TRAF3IP1: variants seen among roughly 807,000 people sequenced by gnomAD.
The protein encoded by TRAF3IP1 is TRAF3-interacting protein 1.
A neutral mutation model predicts 89.9 loss-of-function variants in TRAF3IP1; 53 were observed. The ratio of observed to expected loss-of-function variants is 0.59; its 90% CI spans 0.47 to 0.74. The LOEUF (loss-of-function observed/expected upper bound fraction) is 0.74, where lower values mean the gene tolerates loss of function less well. TRAF3IP1 is among the 30% of genes least tolerant of loss of function. TRAF3IP1 has a pLI of 0.00. For missense variants in TRAF3IP1, 806 were observed against 866.1 expected, an observed-to-expected ratio of 0.93 and a Z score of 0.87; for synonymous variants, 311 against 322.1, an observed-to-expected ratio of 0.97 and a Z score of 0.37.
rs1397415903 is a variant in TRAF3IP1 at position 238,353,222 on chromosome 2, C to T, written c.1612+13C>T. Reference sequence around the variant, plus strand: ...GAGGAGAAGCATGGTGAGTCCTGGGCACGAGTGTGCATGTATGTCCATGTG... The same window carrying T: ...GAGGAGAAGCATGGTGAGTCCTGGGTACGAGTGTGCATGTATGTCCATGTG... On this transcript the variant is annotated intron_variant, in intron 14 of 16. Transcript: ENST00000373327. 22 of 1,613,948 alleles carry T rather than the reference C, an allele frequency of 1.4e-5. No homozygotes were observed. Among genetic ancestry groups the T allele is most frequent in the Non-Finnish European group, 1.7e-5 (20 of 1,179,824 alleles).
intron 15 of TRAF3IP1, among the ~76,000 whole-genome samples, chr2:238,369,685 C>G (rs983227353): frequency 7.2e-5 from 11 of 152,238 alleles, no homozygotes; most frequent in African/African-American, 2.2e-4. Flanking sequence ...ACTGCAGACG[C>G]TCTCCGTGGC....
At chr2:238,368,563 A>G (rs951980556) in intron 15 of TRAF3IP1, among the ~76,000 whole-genome samples, 1 of 152,196 alleles carries the variant, frequency 6.6e-6, no homozygotes, top group African/African-American at 2.4e-5. Flanking sequence ...GGCTTGTATT[A>G]TACCAGGCTT....
rs758970882 is a variant in TRAF3IP1, at chr2:238,338,356, T to A, written c.1064-6T>A. 2 of 1,504,602 alleles carry A rather than the reference T, an allele frequency of 1.3e-6. No individual in the cohort carries two copies. Among genetic ancestry groups the A allele is most frequent in the African/African-American group, 2.8e-5 (2 of 71,482 alleles). 93.2% of individuals were successfully genotyped at this position (1,504,602 alleles called of 1,614,324 possible). ...TTTTAATCTGTTGTTAACTATTTTA[T>A]GTCAGGAAGGAAGGAGGATAATATT... On this transcript the variant is annotated splice_region_variant and splice_polypyrimidine_tract_variant and intron_variant, in intron 7 of 16. Coordinates refer to ENST00000373327, the MANE Select transcript of TRAF3IP1 (RefSeq NM_015650.4).
At position 238,363,379 on chromosome 2, in the gene TRAF3IP1, A is replaced by G. The variant is rs150521234; in HGVS notation, c.1689+7299A>G. 6.9e-4 allele frequency among the ~76,000 whole-genome samples: 105 copies of G among 152,354 alleles called. 2 individuals carry two copies. In the East Asian group the frequency reaches 0.02, roughly 29 times the overall value. On this transcript the variant is annotated intron_variant, in intron 15 of 16. Coordinates refer to ENST00000373327, the MANE Select transcript of TRAF3IP1 (RefSeq NM_015650.4). The stretch of plus-strand genomic sequence containing the variant: ...TGAATATTGAAAATTGATATTGAAT[A>G]TTAAAAATTCCTTGAATTTTAATAT...
At chr2:238,322,081 TG>T (rs1697577259) in intron 1 of TRAF3IP1, among the ~76,000 whole-genome samples, 3 of 152,200 alleles carry the variant, frequency 2.0e-5, no homozygotes, top group South Asian at 4.1e-4. Flanking sequence ...GGACAGTGTG[TG>T]GGGAGAGGAC....
chr2:238,339,978 T>C (rs1698558974), intron 8 of TRAF3IP1, among the ~76,000 whole-genome samples: 1 of 150,386 alleles, frequency 6.6e-6, no homozygotes, highest in African/African-American at 2.4e-5. Flanking sequence ...TTTGCAGAGA[T>C]TGGGATGGAG....
intron 15 of TRAF3IP1, among the ~76,000 whole-genome samples, chr2:238,390,034 C>T (rs1206465221): frequency 3.3e-5 from 5 of 152,128 alleles, no homozygotes; most frequent in South Asian, 2.1e-4. Flanking sequence ...AGTGGCCCAA[C>T]GCTGAGCTGC....
chr2:238,332,732 G>C (rs1379831184), intron 5 of TRAF3IP1, 92 bp from the exon 6 acceptor site: 2 of 926,296 alleles, frequency 2.2e-6, no homozygotes, highest in Non-Finnish European at 3.4e-6. Flanking sequence ...TGATTTCACT[G>C]TTGGTCAGTG....
At chr2:238,341,575 A>G (rs760823116) in intron 8 of TRAF3IP1, among the ~76,000 whole-genome samples, 10 of 147,428 alleles carry the variant, frequency 6.8e-5, no homozygotes, top group Non-Finnish European at 1.0e-4. Context: ...ATTTGATGAC[A>G]TTTAACTTAG....
intron 15 of TRAF3IP1, among the ~76,000 whole-genome samples, chr2:238,369,498 C>T (rs1051626122): frequency 3.9e-5 from 6 of 152,138 alleles, no homozygotes; most frequent in African/African-American, 1.4e-4. Context: ...CTTGATTTGG[C>T]CTTGACAGTT....
rs140288154 is a variant in TRAF3IP1, at chr2:238,397,433, C to T, written c.1690-26C>T. On this transcript the variant is annotated intron_variant, in intron 15 of 16. Transcript: ENST00000373327. ...GCCTTTGGACTGAGGAGGCGTGTTC[C>T]TCTTCCTATGTCTCCCTGACTGTAG... The T allele has an allele frequency of 5.3e-4, 849 of 1,609,132 alleles. 2 individuals are homozygous for T. The African/African-American group carries it at 9.6e-3, about 18-fold the overall frequency.
In TRAF3IP1 at chr2:238,320,794, C is replaced by A; in HGVS notation, c.123+9C>A. 1 of 1,406,538 alleles carries A rather than the reference C, an allele frequency of 7.1e-7. No individual in the cohort carries two copies. The highest frequency in any genetic ancestry group is 9.4e-7 in the Non-Finnish European group (1 of 1,064,232). The allele number at this position is 1,406,538 out of a possible 1,614,324, so 87.1% of individuals were successfully genotyped here. On this transcript the variant is annotated intron_variant, in intron 1 of 16. Coordinates refer to ENST00000373327, the MANE Select transcript of TRAF3IP1 (RefSeq NM_015650.4). ...ACGACATCATCACGGAGGTGGGCGC[C>A]GGGGACCGGGCCCGGCCAGGTGCGG...
intron 15 of TRAF3IP1, among the ~76,000 whole-genome samples, chr2:238,374,208 T>C (rs1430819518): frequency 1.8e-4 from 27 of 152,216 alleles, no homozygotes; most frequent in Admixed American, 1.7e-3. Flanking sequence ...TGTCTTGTGC[T>C]GGTTTTCAAA....
intron 2 of TRAF3IP1, 73 bp downstream of exon 2, chr2:238,325,447 T>A (rs1697777690): frequency 6.7e-7 from 1 of 1,482,272 alleles, no homozygotes; most frequent in South Asian, 1.1e-5. Flanking sequence ...CCTGGTAGTG[T>A]GGCTTGTGTC....
chr2:238,353,611 T>A (rs1344927636), intron 14 of TRAF3IP1, among the ~76,000 whole-genome samples: 1 of 152,162 alleles, frequency 6.6e-6, no homozygotes, highest in Non-Finnish European at 1.5e-5. Context: ...CACACCAGGG[T>A]TTGAGTATCC....
rs113849462 is a variant in TRAF3IP1, at chr2:238,347,403, G to A, written c.1262-52G>A. ...TCCAATTCTGTTCTCATCATTTAAT[G>A]TATTGAGGTTGACTACACGAAAGCT... On this transcript the variant is annotated intron_variant, in intron 9 of 16. Coordinates refer to ENST00000373327, the MANE Select transcript of TRAF3IP1 (RefSeq NM_015650.4). 3.9e-5 allele frequency: 62 copies of A among 1,596,824 alleles called. No individual in the cohort carries two copies. The African/African-American group carries it at 7.2e-4, about 19-fold the overall frequency.
chr2:238,396,328 A>G, intron 15 of TRAF3IP1, among the ~76,000 whole-genome samples: 1 of 138,492 alleles, frequency 7.2e-6, no homozygotes, highest in East Asian at 2.2e-4. Flanking sequence ...GAATTGAACA[A>G]TGAGAACACA....
At position 238,344,552 on chromosome 2, in the gene TRAF3IP1, T is replaced by C. The variant is rs139991626; in HGVS notation, c.1215T>C (p.Ser405=). 4.0e-4 allele frequency: 639 copies of C among 1,614,116 alleles called. 4 individuals are homozygous for C. Among genetic ancestry groups the C allele is most frequent in the Admixed American group, 1.5e-4 (9 of 60,004 alleles). Residue 405 remains serine, a synonymous_variant, in exon 9 of 17, where the codon AGT becomes AGC. Transcript: ENST00000373327. The part of the protein sequence containing the change: ...STSISDDNSA[S]LRCENIQPNP... ...GTATTTCAGATGATAATTCAGCTAG[T>C]CTGCGGTGTGAGAATATTCAGCCCA...
intron 15 of TRAF3IP1, among the ~76,000 whole-genome samples, chr2:238,395,334 A>G (rs1170499057): frequency 6.6e-6 from 1 of 152,256 alleles, no homozygotes; most frequent in Non-Finnish European, 1.5e-5. Flanking sequence ...AGCCATATGT[A>G]GAAAGCTGAA....
Sources: gnomAD v4.1 joint callset for allele counts (sites outside exome capture counted in the v4.1 genomes callset) on GRCh38, gnomAD v4.1.1 for gene constraint, MANE v1.5 for transcripts, NCBI Gene and HGNC (gene_info 2026-07-23, HGNC 2026-07-21) for gene names.